Variants in CNTNAP5 observed in about 807,000 individuals in gnomAD.
CNTNAP5 encodes the protein contactin associated protein family member 5.
Under a neutral mutation model 150.2 loss-of-function variants are expected in CNTNAP5, and 72 were observed. That is an observed-to-expected ratio of 0.48 (90% CI 0.40 to 0.58). The LOEUF (loss-of-function observed/expected upper bound fraction) is 0.58, where lower values mean the gene tolerates loss of function less well. CNTNAP5 is among the 20% of genes least tolerant of loss of function. CNTNAP5 has a pLI of 0.00. For synonymous variants in CNTNAP5, 672 were observed against 619.8 expected (o/e 1.08, Z -1.25); for missense variants, 1,636 against 1,626.2 (o/e 1.01, Z -0.10).
At chr2:124,879,416 G>A (rs566264373) in intron 21 of CNTNAP5, among the ~76,000 whole-genome samples, 1 of 152,212 alleles carries the variant, frequency 6.6e-6, no homozygotes, top group East Asian at 1.9e-4. Flanking sequence ...CCAATGTTGT[G>A]CAGCTAGCTG....
chr2:124,433,100 A>G (rs887265592), intron 4 of CNTNAP5, among the ~76,000 whole-genome samples: 5 of 152,350 alleles, frequency 3.3e-5, no homozygotes, highest in Middle Eastern at 3.4e-3. Context: ...ATCACAGTTT[A>G]GAATCCATTA....
At chr2:124,065,939 A>T (rs529295718) in intron 1 of CNTNAP5, among the ~76,000 whole-genome samples, 1 of 152,324 alleles carries the variant, frequency 6.6e-6, no homozygotes, top group African/African-American at 2.4e-5. Context: ...ATGTATTCAC[A>T]GTCTGGTTTT....
At chr2:124,425,270 A>T (rs773182311) in intron 4 of CNTNAP5, among the ~76,000 whole-genome samples, 37 of 152,240 alleles carry the variant, frequency 2.4e-4, no homozygotes, top group Non-Finnish European at 4.4e-4. Context: ...TTTATTAAAA[A>T]AACAGGTCAA....
chr2:124,755,072 T>G (rs904222650), intron 14 of CNTNAP5, among the ~76,000 whole-genome samples: 2 of 125,308 alleles, frequency 1.6e-5, no homozygotes, highest in Non-Finnish European at 3.8e-5. Flanking sequence ...TTAAAGCAGG[T>G]TTTTTTTTTC....
intron 12 of CNTNAP5, among the ~76,000 whole-genome samples, chr2:124,639,472 C>T (rs563917811): frequency 1.3e-4 from 20 of 152,252 alleles, no homozygotes; most frequent in Non-Finnish European, 2.8e-4. Context: ...GGCGTCTCTT[C>T]TTTTCTGACC....
chr2:124,246,846 T>G (rs1687042127), intron 3 of CNTNAP5, among the ~76,000 whole-genome samples: 1 of 152,122 alleles, frequency 6.6e-6, no homozygotes, highest in Non-Finnish European at 1.5e-5. Context: ...ATATTCTATA[T>G]TTTATTAATA....
At chr2:124,292,300 A>G (rs1688316196) in intron 3 of CNTNAP5, among the ~76,000 whole-genome samples, 1 of 152,136 alleles carries the variant, frequency 6.6e-6, no homozygotes, top group African/African-American at 2.4e-5. Flanking sequence ...TAGCACCAAA[A>G]GCCTTCAGCT....
At chr2:124,426,141 G>C (rs147545249) in intron 4 of CNTNAP5, among the ~76,000 whole-genome samples, 110 of 151,066 alleles carry the variant, frequency 7.3e-4, no homozygotes, top group African/African-American at 2.6e-3. Context: ...GGAATTCAGA[G>C]TTTTGATTTT....
chr2:124,529,541 T>C (rs529528325), intron 10 of CNTNAP5, among the ~76,000 whole-genome samples: 9 of 152,220 alleles, frequency 5.9e-5, no homozygotes, highest in Non-Finnish European at 1.0e-4. Flanking sequence ...GGGACTGTGT[T>C]TGAGTCACTA....
intron 4 of CNTNAP5, among the ~76,000 whole-genome samples, chr2:124,425,918 C>CT (rs1692228177): frequency 6.6e-6 from 1 of 152,158 alleles, no homozygotes. Flanking sequence ...ATGATACCTA[C>CT]TATGGAAGTT....
rs188161417 is a variant in CNTNAP5 at position 124,115,028 on chromosome 2, A to G, written c.82+89296A>G. Among the ~76,000 whole-genome samples the G allele has an allele frequency of 3.3e-3, 499 of 152,146 alleles. 1 individual carries two copies. The highest frequency in any genetic ancestry group is 7.2e-3 in the Middle Eastern group (2 of 276). On this transcript the variant is annotated intron_variant, in intron 1 of 23. Coordinates refer to ENST00000682447, the MANE Select transcript of CNTNAP5 (RefSeq NM_001367498.1). ...TCTAGAGATCTAAATATCTGTAGAT[A>G]CTATAATGATGTTATGATAATAGCA... is the stretch of plus-strand genomic sequence containing the variant.
chr2:124,323,865 T>G (rs1339270224), intron 3 of CNTNAP5, among the ~76,000 whole-genome samples: 2 of 152,036 alleles, frequency 1.3e-5, no homozygotes, highest in South Asian at 2.1e-4. Context: ...TGTGTGTGTG[T>G]ATGTGGGTGT....
chr2:124,272,695 C>G (rs1301426751), intron 3 of CNTNAP5, among the ~76,000 whole-genome samples: 2 of 152,110 alleles, frequency 1.3e-5, no homozygotes, highest in Non-Finnish European at 2.9e-5. Context: ...AGCCTGTTTC[C>G]TATAAAATTA....
intron 4 of CNTNAP5, among the ~76,000 whole-genome samples, chr2:124,419,896 T>TTTTCTTTCTTTCTTCCTTTCTTTC (rs1692039410): frequency 1.2e-5 from 1 of 85,198 alleles, no homozygotes; most frequent in African/African-American, 4.8e-5. Flanking sequence ...ACTGGATTGG[T>TTTTCTTTCTTTCTTCCTTTCTTTC]TTTCTTTCTT....
At chr2:124,874,670 C>A (rs755696523) in intron 21 of CNTNAP5, among the ~76,000 whole-genome samples, 1 of 151,844 alleles carries the variant, frequency 6.6e-6, no homozygotes, top group Non-Finnish European at 1.5e-5. Context: ...GACTTCTTGC[C>A]AATCTGCAGA....
chr2:124,542,922 G>A (rs1478608548), intron 10 of CNTNAP5, among the ~76,000 whole-genome samples: 1 of 152,190 alleles, frequency 6.6e-6, no homozygotes, highest in Admixed American at 6.5e-5. Context: ...TTTTGGGCAA[G>A]TATTGCCTCA....
intron 1 of CNTNAP5, among the ~76,000 whole-genome samples, chr2:124,028,573 C>T (rs937867495): frequency 1.3e-5 from 2 of 152,134 alleles, no homozygotes; most frequent in African/African-American, 4.8e-5. Context: ...TAAATAGCTA[C>T]AATTCCTCCT....
intron 3 of CNTNAP5, among the ~76,000 whole-genome samples, chr2:124,356,282 T>G (rs1055906256): frequency 6.6e-6 from 1 of 151,918 alleles, no homozygotes; most frequent in Non-Finnish European, 1.5e-5. Flanking sequence ...CTTTGACAGA[T>G]GTGGATCCAT....
chr2:124,177,293 G>T (rs1303932345), intron 1 of CNTNAP5, among the ~76,000 whole-genome samples: 1 of 152,152 alleles, frequency 6.6e-6, no homozygotes, highest in Non-Finnish European at 1.5e-5. Context: ...CCAGAGACAG[G>T]AGGGTCGGAG....
Sources: gnomAD v4.1 joint callset for allele counts (sites outside exome capture counted in the v4.1 genomes callset) on GRCh38, gnomAD v4.1.1 for gene constraint, MANE v1.5 for transcripts, NCBI Gene and HGNC (gene_info 2026-07-23, HGNC 2026-07-21) for gene names.